Variants in NLGN1 observed in about 807,000 individuals in gnomAD.
NLGN1 encodes the protein neuroligin-1.
Under a neutral mutation model 65.5 loss-of-function variants are expected in NLGN1, and 12 were observed. The observed-to-expected ratio is 0.18, with a 90% CI of 0.12 to 0.30. The LOEUF is 0.30. Ranked by LOEUF, NLGN1 falls within the 10% of genes least tolerant of loss-of-function variation. The pLI is 1.00. For missense variants in NLGN1, 750 were observed against 1,007.1 expected (o/e 0.74, Z 3.46); for synonymous variants, 350 against 359.5 (o/e 0.97, Z 0.30).
At chr3:173,862,779 C>T (rs781214210) in intron 4 of NLGN1, among the ~76,000 whole-genome samples, 5 of 152,024 alleles carry the variant, frequency 3.3e-5, no homozygotes, top group African/African-American at 1.2e-4. Context: ...CCATTGATAT[C>T]CTAGATGATT....
At chr3:173,673,800 A>G (rs1480232995) in intron 3 of NLGN1, among the ~76,000 whole-genome samples, 2 of 152,114 alleles carry the variant, frequency 1.3e-5, no homozygotes, top group African/African-American at 2.4e-5. Context: ...AAAGAATTGG[A>G]CAAAACGCAC....
At position 174,205,456 on chromosome 3, in the gene NLGN1, A is replaced by G. The variant is rs537767721; in HGVS notation, c.647-69859A>G. 2.0e-5 allele frequency among the ~76,000 whole-genome samples: 3 copies of G among 152,310 alleles called. No homozygotes were observed. In the South Asian group the frequency reaches 6.2e-4, roughly 32 times the overall value. On this transcript the variant is annotated intron_variant, in intron 4 of 6. Coordinates refer to ENST00000457714, the Ensembl canonical transcript of NLGN1. ...TAATTTTTGTTAACATTTAAAAATC[A>G]AAGTAATTATTGTTATTGCAGAAAA...
rs1715954600 is a variant in NLGN1 at position 173,970,383 on chromosome 3, T to A, written c.646+162551T>A. 2.6e-5 allele frequency among the ~76,000 whole-genome samples: 4 copies of A among 152,064 alleles called. No individual in the cohort carries two copies. The South Asian group carries it at 8.3e-4, about 32-fold the overall frequency. ...GAAGGCCATTTAGTTGTTAATCAGG[T>A]GAAGGGCATTTTAGCTAGAAGGAAT... On this transcript the variant is annotated intron_variant, in intron 4 of 6. Transcript: ENST00000457714.
At chr3:174,039,224 AAT>A (rs1005318404) in intron 4 of NLGN1, among the ~76,000 whole-genome samples, 2 of 151,154 alleles carry the variant, frequency 1.3e-5, no homozygotes, top group African/African-American at 2.4e-5. Context: ...CGCAGAACAT[AAT>A]ATATATATAT....
chr3:173,595,131 G>C (rs1037952277), intron 2 of NLGN1, among the ~76,000 whole-genome samples: 2 of 152,208 alleles, frequency 1.3e-5, no homozygotes, highest in Non-Finnish European at 2.9e-5. Flanking sequence ...CAGCTGGCTT[G>C]AATTTCTCCT....
chr3:174,146,395 G>A (rs1723279939), intron 4 of NLGN1, among the ~76,000 whole-genome samples: 2 of 152,098 alleles, frequency 1.3e-5, no homozygotes, highest in South Asian at 4.1e-4. Flanking sequence ...TGATTTTTGT[G>A]AGGTTAAATA....
At chr3:174,003,538 A>T (rs1334966457) in intron 4 of NLGN1, among the ~76,000 whole-genome samples, 2 of 152,196 alleles carry the variant, frequency 1.3e-5, no homozygotes, top group African/African-American at 4.8e-5. Context: ...TCTTTATTTC[A>T]TATTCTAAAT....
chr3:173,859,976 T>A (rs1222770553), intron 4 of NLGN1, among the ~76,000 whole-genome samples: 1 of 152,070 alleles, frequency 6.6e-6, no homozygotes. Flanking sequence ...TCCTGCCAGA[T>A]GTTTATCTAT....
At chr3:173,897,506 T>C (rs1375533316) in intron 4 of NLGN1, among the ~76,000 whole-genome samples, 1 of 152,186 alleles carries the variant, frequency 6.6e-6, no homozygotes, top group Admixed American at 6.5e-5. Context: ...TAAGGTTAGA[T>C]GAGTTGTTGA....
chr3:173,449,537 C>G (rs1317677740), intron 2 of NLGN1, among the ~76,000 whole-genome samples: 5 of 152,096 alleles, frequency 3.3e-5, no homozygotes, highest in South Asian at 2.1e-4. Context: ...AATGTATATT[C>G]TGTTGATTTG....
chr3:173,940,036 A>T (rs980797304), intron 4 of NLGN1, among the ~76,000 whole-genome samples: 1 of 151,276 alleles, frequency 6.6e-6, no homozygotes. Context: ...CCTTGAATGA[A>T]ATTAAAACTA....
chr3:173,646,128 C>G (rs1758231889), intron 3 of NLGN1, among the ~76,000 whole-genome samples: 1 of 152,118 alleles, frequency 6.6e-6, no homozygotes, highest in Admixed American at 6.5e-5. Flanking sequence ...TGACCACACT[C>G]AGACACTTAG....
intron 2 of NLGN1, among the ~76,000 whole-genome samples, chr3:173,529,503 A>G (rs1736193236): frequency 1.3e-5 from 2 of 152,086 alleles, no homozygotes; most frequent in African/African-American, 4.8e-5. Flanking sequence ...ATGCACTGAG[A>G]TCTTTGCTGG....
intron 2 of NLGN1, among the ~76,000 whole-genome samples, chr3:173,502,174 ATT>A (rs1731241731): frequency 6.6e-6 from 1 of 152,122 alleles, no homozygotes; most frequent in Non-Finnish European, 1.5e-5. Flanking sequence ...AATCAACTCT[ATT>A]ATCAAGAGTG....
At chr3:174,037,122 T>G (rs1731316357) in intron 4 of NLGN1, among the ~76,000 whole-genome samples, 1 of 152,166 alleles carries the variant, frequency 6.6e-6, no homozygotes, top group African/African-American at 2.4e-5. Context: ...TACCCCGTAA[T>G]GGGATTATTG....
intron 4 of NLGN1, among the ~76,000 whole-genome samples, chr3:174,212,793 A>C (rs9868592): frequency 0.11 from 17,044 of 152,208 alleles, 2,171 homozygotes; most frequent in African/African-American, 0.31. Context: ...ATCAACAGAG[A>C]TGTGTTCCTT....
intron 3 of NLGN1, among the ~76,000 whole-genome samples, chr3:173,660,055 A>G (rs1760695258): frequency 6.6e-6 from 1 of 151,942 alleles, no homozygotes. Flanking sequence ...TTCTGAGGAC[A>G]TAGTGAGAGA....
chr3:174,083,295 T>C (rs59059630), intron 4 of NLGN1, among the ~76,000 whole-genome samples: 21,230 of 152,056 alleles, frequency 0.14, 1,726 homozygotes, highest in African/African-American at 0.22. Flanking sequence ...CATTCATTCA[T>C]GTATAAAATG....
At chr3:174,283,776 G>A (rs896487959) in exon 7 of NLGN1, 9 of 151,414 alleles carry the variant, frequency 5.9e-5, no homozygotes, top group African/African-American at 2.2e-4. Flanking sequence ...GCTTTTGACT[G>A]AGGTGGTTAT....
Sources: gnomAD v4.1 joint callset for allele counts (sites outside exome capture counted in the v4.1 genomes callset) on GRCh38, gnomAD v4.1.1 for gene constraint, MANE v1.5 for transcripts, NCBI Gene and HGNC (gene_info 2026-07-23, HGNC 2026-07-21) for gene names.